NUP214: variants seen among roughly 807,000 people sequenced by gnomAD.
The protein encoded by NUP214 is nuclear pore complex protein Nup214.
Under a neutral mutation model 196.2 loss-of-function variants are expected in NUP214, and 79 were observed. That is an observed-to-expected ratio of 0.40 (90% confidence interval 0.34 to 0.49). NUP214 has a LOEUF of 0.49. NUP214 is among the 20% of genes least tolerant of loss of function. The probability of loss-of-function intolerance (pLI) is 0.58; values close to 1 mark genes in which losing one functional copy is unlikely to be tolerated. For synonymous variants in NUP214, 1,020 were observed against 990.5 expected, an observed-to-expected ratio of 1.03 and a Z score of -0.56; for missense variants, 2,468 against 2,539.0, an observed-to-expected ratio of 0.97 and a Z score of 0.60.
intron 21 of NUP214, among the ~76,000 whole-genome samples, chr9:131,168,074 G>A (rs557244083): frequency 6.6e-6 from 1 of 152,180 alleles, no homozygotes; most frequent in South Asian, 2.1e-4. Flanking sequence ...AGTTTTTGTA[G>A]GAACATGGTC....
At chr9:131,211,094 A>G (rs1391909499) in intron 30 of NUP214, among the ~76,000 whole-genome samples, 1 of 152,232 alleles carries the variant, frequency 6.6e-6, no homozygotes, top group Non-Finnish European at 1.5e-5. Flanking sequence ...TAATTTAATC[A>G]TTCATATAGG....
chr9:131,228,118 T>A, intron 32 of NUP214, 42 bp from the exon 33 acceptor site: 1 of 1,498,856 alleles, frequency 6.7e-7, no homozygotes, highest in Admixed American at 2.5e-5. Flanking sequence ...TCTCCTCCTT[T>A]CTTTCTCCCT....
chr9:131,180,188 T>C (rs570376921), intron 24 of NUP214, among the ~76,000 whole-genome samples: 2 of 152,366 alleles, frequency 1.3e-5, no homozygotes, highest in African/African-American at 4.8e-5. Context: ...TTGAAGAAAC[T>C]TTCTGTTCCA....
At chr9:131,210,088 A>G (rs1470850528) in intron 30 of NUP214, among the ~76,000 whole-genome samples, 2 of 152,110 alleles carry the variant, frequency 1.3e-5, no homozygotes, top group African/African-American at 4.8e-5. Context: ...GGGAGCTCTC[A>G]CTCTCTAGGA....
At position 131,163,126 on chromosome 9, in the gene NUP214, C is replaced by G; in HGVS notation, c.2676C>G (p.Ser892=). The G allele has an allele frequency of 1.2e-6, 2 of 1,614,130 alleles. No individual in the cohort carries two copies. ...LQQLRLYKQT[S]LWSLSSAVPS... The stretch of plus-strand genomic sequence containing the variant: ...AGCTCCGCCTTTACAAACAGACTTC[C>G]CTGTGGAGCCTGTCCTCGGCTGTTC... The change falls in exon 19 of 36, where the codon TCC becomes TCG. Residue 892 remains serine, a synonymous_variant. Transcript: ENST00000359428.
At chr9:131,222,717 C>T in intron 31 of NUP214, 61 bp from the exon 32 acceptor site, 1 of 1,551,656 alleles carries the variant, frequency 6.4e-7, no homozygotes, top group South Asian at 1.2e-5. Flanking sequence ...TTTCTGTGTT[C>T]TGAGAAGCAG....
At chr9:131,178,511 C>T in intron 24 of NUP214, 101 bp downstream of exon 24, 1 of 800,060 alleles carries the variant, frequency 1.2e-6, no homozygotes, top group Non-Finnish European at 2.1e-6. Context: ...TCTGGTTTTC[C>T]TGCACCGCCT....
chr9:131,181,812 A>C (rs748075282), intron 24 of NUP214, among the ~76,000 whole-genome samples: 1 of 152,186 alleles, frequency 6.6e-6, no homozygotes, highest in Non-Finnish European at 1.5e-5. Flanking sequence ...TTGACACGAA[A>C]ATTTAGTCCA....
At chr9:131,181,157 C>T (rs1190799212) in intron 24 of NUP214, among the ~76,000 whole-genome samples, 1 of 151,986 alleles carries the variant, frequency 6.6e-6, no homozygotes, top group Non-Finnish European at 1.5e-5. Context: ...GAGAGAAAGG[C>T]CACACAGCAG....
intron 9 of NUP214, among the ~76,000 whole-genome samples, chr9:131,138,704 C>T (rs942535915): frequency 6.6e-6 from 1 of 152,178 alleles, no homozygotes; most frequent in East Asian, 1.9e-4. Context: ...AGTAGTTTCT[C>T]AAGGAATCTG....
chr9:131,142,248 G>A (rs1358970081), intron 11 of NUP214, among the ~76,000 whole-genome samples: 5 of 152,218 alleles, frequency 3.3e-5, no homozygotes, highest in Non-Finnish European at 7.3e-5. Flanking sequence ...CCTCTGGGAT[G>A]GGACGAGGTT....
chr9:131,137,586 C>T (rs552201467), intron 9 of NUP214, among the ~76,000 whole-genome samples: 138 of 117,830 alleles, frequency 1.2e-3, no homozygotes, highest in African/African-American at 4.4e-3. Context: ...GAGGCCAAGT[C>T]TCACTTTGTC....
intron 3 of NUP214, 101 bp downstream of exon 3, chr9:131,128,584 T>C: frequency 1.0e-6 from 1 of 1,004,744 alleles, no homozygotes; most frequent in South Asian, 2.3e-5. Context: ...CCTTGAAGTT[T>C]CTCTCTAGAT....
intron 6 of NUP214, 182 bp from the exon 7 acceptor site, chr9:131,132,924 T>A (rs963482228): frequency 1.6e-6 from 1 of 623,826 alleles, no homozygotes; most frequent in African/African-American, 1.9e-5. Flanking sequence ...AGCAGAAAAA[T>A]TACCATTTGG....
chr9:131,201,086 G>A (rs1564207790), intron 29 of NUP214, among the ~76,000 whole-genome samples: 1 of 147,636 alleles, frequency 6.8e-6, no homozygotes, highest in Non-Finnish European at 1.5e-5. Flanking sequence ...TATTTGCTCA[G>A]ACTTTTCTCC....
chr9:131,196,022 G>A (rs1250003851), intron 28 of NUP214, among the ~76,000 whole-genome samples: 6 of 6,586 alleles, frequency 9.1e-4, no homozygotes, highest in Non-Finnish European at 2.7e-3. Context: ...GAAACTCTGT[G>A]TGTCCCCCCC....
In NUP214 at chr9:131,230,761, G is replaced by T; in HGVS notation, c.6206G>T (p.Gly2069Val). ...QSSGFSGFGS[G>V]TGGFSFGSNN... The stretch of plus-strand genomic sequence containing the variant: ...AGCGGATTCTCTGGTTTTGGATCAG[G>T]CACAGGAGGTAAGCTGCCACAAGTT... The change falls in exon 34 of 36, where the codon GGC (glycine) becomes GTC (valine). Residue 2069 changes from glycine to valine, a missense_variant. Around this residue, in one of 5 missense-constraint regions of NUP214, gnomAD observed 262 missense variants for 296.5 expected, o/e 0.88. Transcript: ENST00000359428. 6.2e-7 allele frequency: 1 copy of T among 1,613,234 alleles called. No individual in the cohort carries two copies. Among genetic ancestry groups the T allele is most frequent in the Non-Finnish European group, 8.5e-7 (1 of 1,179,812 alleles).
chr9:131,225,501 AT>A (rs1834696215), intron 32 of NUP214, among the ~76,000 whole-genome samples: 1 of 152,216 alleles, frequency 6.6e-6, no homozygotes, highest in African/African-American at 2.4e-5. Context: ...GTAAGTACTT[AT>A]TTGCCCCATG....
rs1831459316 is a variant in NUP214 at position 131,129,424 on chromosome 9, C to T, written c.539C>T (p.Thr180Met). ...GGTAGTATTGCTGTCCTGCAAGTCA[C>T]GGAAACAGTGAAAGTATGTGCAACT... is the stretch of plus-strand genomic sequence containing the variant. The part of the protein sequence containing the change: ...ADGSIAVLQV[T>M]ETVKVCATLP... The change falls in exon 4 of 36, where the codon ACG becomes ATG. Residue 180 changes from threonine to methionine, a missense_variant. Transcript: ENST00000359428. The T allele has an allele frequency of 9.9e-6, 16 of 1,614,178 alleles. No homozygotes were observed. Among genetic ancestry groups the T allele is most frequent in the South Asian group, 2.2e-5 (2 of 91,084 alleles).
Sources: allele counts gnomAD v4.1 joint callset (sites outside exome capture counted in the v4.1 genomes callset), GRCh38; gene constraint gnomAD v4.1.1; regional missense constraint gnomAD v4.1.1; transcripts MANE v1.5; gene names NCBI Gene and HGNC (gene_info 2026-07-23, HGNC 2026-07-21).